Variants in JAKMIP1 observed in about 807,000 individuals in gnomAD.
JAKMIP1 encodes the protein janus kinase and microtubule-interacting protein 1.
A neutral mutation model predicts 113.0 loss-of-function variants in JAKMIP1; 33 were observed. The observed-to-expected ratio is 0.29, with a 90% CI of 0.22 to 0.39. The LOEUF (loss-of-function observed/expected upper bound fraction) is 0.39. JAKMIP1 is among the 10% of genes least tolerant of loss of function. The pLI is 1.00. For synonymous variants in JAKMIP1, 480 were observed against 459.9 expected, an observed-to-expected ratio of 1.04 and a Z score of -0.56; for missense variants, 813 against 1,080.5, an observed-to-expected ratio of 0.75 and a Z score of 3.47.
rs1167422065 is a variant in JAKMIP1 at position 6,143,433 on chromosome 4, G to A, written c.-147-30436C>T. 6.6e-6 allele frequency among the ~76,000 whole-genome samples: 1 copy of A among 152,144 alleles called. No individual in the cohort carries two copies. The highest frequency in any genetic ancestry group is 1.5e-5 in the Non-Finnish European group (1 of 68,036). On this transcript the variant is annotated intron_variant, in intron 1 of 20. Transcript: ENST00000409021. The surrounding 1 kb of genome is among the most constrained non-coding windows in gnomAD (Gnocchi z 4.9). ...GCCATGTCTGAACCCAGGCTGGTAA[G>A]AGTCAACGGGTCCCCTCTGGAGCCA... is the stretch of plus-strand genomic sequence containing the variant.
Position 6,137,631 on chromosome 4 carries a change from G to A in JAKMIP1, c.-147-24634C>T, listed in dbSNP as rs1192492237. 6.6e-6 allele frequency among the ~76,000 whole-genome samples: 1 copy of A among 152,222 alleles called. No individual in the cohort carries two copies. The highest frequency in any genetic ancestry group is 1.5e-5 in the Non-Finnish European group (1 of 68,040). ...GCACCTGGAGGCAATGACCCCCACAGGGGACCAAATGAGCTATCCTGAAAT... is the reference window on the plus strand; with the variant it reads ...GCACCTGGAGGCAATGACCCCCACAAGGGACCAAATGAGCTATCCTGAAAT... On this transcript the variant is annotated intron_variant, in intron 1 of 20. Coordinates refer to ENST00000409021, the MANE Select transcript of JAKMIP1 (RefSeq NM_001099433.2). This position sits in a 1 kb window ranked among gnomAD's most constrained non-coding sequence, Gnocchi z 4.5.
At chr4:6,091,431 T>G (rs568236292) in intron 3 of JAKMIP1, among the ~76,000 whole-genome samples, 2 of 152,364 alleles carry the variant, frequency 1.3e-5, no homozygotes, top group African/African-American at 4.8e-5. Flanking sequence ...ACAAGTATCC[T>G]ATTACAGAAA....
rs1201234026 is a variant in JAKMIP1 at position 6,067,763 on chromosome 4, C to A, written c.1303-2755G>T. ...TCTTCTGCACACGCAGGTCACCCCC[C>A]TGAGCTCCACGTTCACTCAAGCTCT... On this transcript the variant is annotated intron_variant, in intron 8 of 20. Coordinates refer to ENST00000409021, the MANE Select transcript of JAKMIP1 (RefSeq NM_001099433.2). The surrounding 1 kb of genome is among the most constrained non-coding windows in gnomAD (Gnocchi z 4.6). Among the ~76,000 whole-genome samples the A allele has an allele frequency of 7.2e-6, 1 of 139,564 alleles. No individual in the cohort carries two copies. The highest frequency in any genetic ancestry group is 7.1e-5 in the Admixed American group (1 of 14,184). The allele number at this position is 139,564 out of a possible 152,430, so 91.6% of individuals were successfully genotyped here.
rs1479224245 is a variant in JAKMIP1, at chr4:6,064,485, T to C, written c.1431+395A>G. ...GTCAAGAAAGCAATGATGCTGTTTC[T>C]GCCCGGTGGTGTGTCCGTGTGTGCA... is the stretch of plus-strand genomic sequence containing the variant. On this transcript the variant is annotated intron_variant, in intron 9 of 20. Coordinates refer to ENST00000409021, the MANE Select transcript of JAKMIP1 (RefSeq NM_001099433.2). The surrounding 1 kb of genome is among the most constrained non-coding windows in gnomAD (Gnocchi z 4.3). 1.3e-5 allele frequency among the ~76,000 whole-genome samples: 2 copies of C among 152,212 alleles called. No individual in the cohort carries two copies. Among genetic ancestry groups the C allele is most frequent in the Admixed American group, 1.3e-4 (2 of 15,280 alleles).
rs538410589 is a variant in JAKMIP1 at position 6,174,024 on chromosome 4, G to A, written c.-148+26229C>T. 5.9e-5 allele frequency among the ~76,000 whole-genome samples: 9 copies of A among 152,278 alleles called. No individual in the cohort carries two copies. The South Asian group carries it at 1.9e-3, about 32-fold the overall frequency. ...GTGGAGGTTGCAGTGAGCCAAGGTGGCAACACAGAGCAAGACTCCATCTGA... is the reference window on the plus strand; with the variant it reads ...GTGGAGGTTGCAGTGAGCCAAGGTGACAACACAGAGCAAGACTCCATCTGA... On this transcript the variant is annotated intron_variant, in intron 1 of 20. Transcript: ENST00000409021.
rs1229490853 is a variant in JAKMIP1, at chr4:6,158,614, AC to A, written c.-148+41638del. Among the ~76,000 whole-genome samples the A allele has an allele frequency of 6.6e-6, 1 of 150,974 alleles. No individual in the cohort carries two copies. The highest frequency in any genetic ancestry group is 1.5e-5 in the Non-Finnish European group (1 of 67,820). Reference sequence around the variant, plus strand: ...CTCCATCCCATAGGGCCATTTCTCCACCCCCCACCCCCACCAGCCCCAGCTA... The same window carrying A: ...CTCCATCCCATAGGGCCATTTCTCCACCCCCACCCCCACCAGCCCCAGCTA... On this transcript the variant is annotated intron_variant, in intron 1 of 20. Transcript: ENST00000409021. The surrounding 1 kb of genome is among the most constrained non-coding windows in gnomAD (Gnocchi z 5.3).
chr4:6,071,407 C>T (rs781219877), intron 8 of JAKMIP1, among the ~76,000 whole-genome samples: 1 of 152,190 alleles, frequency 6.6e-6, no homozygotes, highest in African/African-American at 2.4e-5. Context: ...AGCCCCTCCC[C>T]ACGGGGCCTG....
In JAKMIP1 at chr4:6,176,618, C is replaced by T. The variant is rs535204971; in HGVS notation, c.-148+23635G>A. Among the ~76,000 whole-genome samples, 2 of 152,228 alleles carry T rather than the reference C, an allele frequency of 1.3e-5. No individual in the cohort carries two copies. The highest frequency in any genetic ancestry group is 4.8e-5 in the African/African-American group (2 of 41,540). On this transcript the variant is annotated intron_variant, in intron 1 of 20. Coordinates refer to ENST00000409021, the MANE Select transcript of JAKMIP1 (RefSeq NM_001099433.2). This position sits in a 1 kb window ranked among gnomAD's most constrained non-coding sequence, Gnocchi z 5.5. ...GGGCTGGGAGATAACTCCATGTTTACAAATGGGGAAACTGAGGCTTGCAGT... is the reference window on the plus strand; with the variant it reads ...GGGCTGGGAGATAACTCCATGTTTATAAATGGGGAAACTGAGGCTTGCAGT...
intron 8 of JAKMIP1, among the ~76,000 whole-genome samples, chr4:6,077,985 A>G (rs1224747911): frequency 6.6e-6 from 1 of 152,176 alleles, no homozygotes; most frequent in Non-Finnish European, 1.5e-5. Context: ...CCAAGACCAC[A>G]TGTCTTTGGC....
chr4:6,188,921 G>A lies in JAKMIP1; in HGVS notation c.-148+11332C>T, dbSNP rs939149147. Among the ~76,000 whole-genome samples the A allele has an allele frequency of 1.3e-5, 2 of 152,188 alleles. No homozygotes were observed. The highest frequency in any genetic ancestry group is 2.4e-5 in the African/African-American group (1 of 41,430). On this transcript the variant is annotated intron_variant, in intron 1 of 20. Transcript: ENST00000409021. The surrounding 1 kb of genome is among the most constrained non-coding windows in gnomAD (Gnocchi z 5.8). ...ATTAGGCACAATGTGGGGGCATCCA[G>A]GCCCTTTTTCAAAATAAGATATCTG...
chr4:6,060,387 G>A (rs1331140665), intron 11 of JAKMIP1, 37 bp downstream of exon 11: 1 of 1,501,646 alleles, frequency 6.7e-7, no homozygotes, highest in Non-Finnish European at 9.3e-7. Flanking sequence ...GGGACAGAAA[G>A]GCTAAGATTC....
intron 8 of JAKMIP1, among the ~76,000 whole-genome samples, chr4:6,071,767 C>T (rs976084644): frequency 1.3e-5 from 2 of 152,144 alleles, no homozygotes; most frequent in Non-Finnish European, 2.9e-5. Context: ...TCTGCTGAGA[C>T]GCCTGCATGT....
chr4:6,109,242 C>T (rs1289571813), intron 2 of JAKMIP1, among the ~76,000 whole-genome samples: 1 of 150,516 alleles, frequency 6.6e-6, no homozygotes, highest in South Asian at 2.1e-4. Context: ...ACGCCATTCT[C>T]CTGCCTCAGC....
rs1719728115 is a variant in JAKMIP1, at chr4:6,076,598, G to A, written c.1302+2341C>T. Among the ~76,000 whole-genome samples, 2 of 152,136 alleles carry A rather than the reference G, an allele frequency of 1.3e-5. No homozygotes were observed. The highest frequency in any genetic ancestry group is 4.8e-5 in the African/African-American group (2 of 41,430). On this transcript the variant is annotated intron_variant, in intron 8 of 20. Transcript: ENST00000409021. This position sits in a 1 kb window ranked among gnomAD's most constrained non-coding sequence, Gnocchi z 4.8. ...AGTAAAGGCCACCAGGAGGCAGCCT[G>A]GGAGCCAAATTGCACCCATAGATAT...
rs781318008 is a variant in JAKMIP1 at position 6,155,994 on chromosome 4, G to A, written c.-147-42997C>T. ...AGGGTCAGCTCTGTGACTTCTGTCC[G>A]TGGTGGGTTCCTCAGTGCGTAGAAC... On this transcript the variant is annotated intron_variant, in intron 1 of 20. Coordinates refer to ENST00000409021, the MANE Select transcript of JAKMIP1 (RefSeq NM_001099433.2). The surrounding 1 kb of genome is among the most constrained non-coding windows in gnomAD (Gnocchi z 6.1). Among the ~76,000 whole-genome samples, 13 of 152,218 alleles carry A rather than the reference G, an allele frequency of 8.5e-5. No homozygotes were observed. Among genetic ancestry groups the A allele is most frequent in the South Asian group, 4.1e-4 (2 of 4,832 alleles).
rs1421451431 is a variant in JAKMIP1 at position 6,042,905 on chromosome 4, G to C, written c.2029-678C>G. ...ACGGAGAGTACGGGGTGAACAGGCG[G>C]GGCGTGCACCTGAGCGGCAGGTAAG... On this transcript the variant is annotated intron_variant, in intron 16 of 20. Coordinates refer to ENST00000409021, the MANE Select transcript of JAKMIP1 (RefSeq NM_001099433.2). The surrounding 1 kb of genome is among the most constrained non-coding windows in gnomAD (Gnocchi z 5.2). Among the ~76,000 whole-genome samples, 1 of 152,070 alleles carries C rather than the reference G, an allele frequency of 6.6e-6. No individual in the cohort carries two copies. The highest frequency in any genetic ancestry group is 1.5e-5 in the Non-Finnish European group (1 of 68,004).
intron 3 of JAKMIP1, among the ~76,000 whole-genome samples, chr4:6,104,673 C>T (rs1240013528): frequency 6.6e-6 from 1 of 152,262 alleles, no homozygotes; most frequent in African/African-American, 2.4e-5. Context: ...GTGTGACAAA[C>T]GCCCTGAGGG....
chr4:6,193,321 C>G lies in JAKMIP1; in HGVS notation c.-148+6932G>C, dbSNP rs1403921311. On this transcript the variant is annotated intron_variant, in intron 1 of 20. Transcript: ENST00000409021. The surrounding 1 kb of genome is among the most constrained non-coding windows in gnomAD (Gnocchi z 6.4). Reference sequence around the variant, plus strand: ...CGCCACTGGTTTCTTTGCTCCTCAACTTGCAGACAGCCCATCGTGAGACTT... The same window carrying G: ...CGCCACTGGTTTCTTTGCTCCTCAAGTTGCAGACAGCCCATCGTGAGACTT... Among the ~76,000 whole-genome samples the G allele has an allele frequency of 1.3e-5, 2 of 152,196 alleles. No homozygotes were observed. Among genetic ancestry groups the G allele is most frequent in the African/African-American group, 4.8e-5 (2 of 41,448 alleles).
rs575764986 is a variant in JAKMIP1, at chr4:6,146,413, C to T, written c.-147-33416G>A. ...GCTCATGTGATCCTCCCACCTCAGACCCCAAGTAGTAGTTGGGACTACAGG... is the reference window on the plus strand; with the variant it reads ...GCTCATGTGATCCTCCCACCTCAGATCCCAAGTAGTAGTTGGGACTACAGG... On this transcript the variant is annotated intron_variant, in intron 1 of 20. Transcript: ENST00000409021. Among the ~76,000 whole-genome samples the T allele has an allele frequency of 3.5e-4, 53 of 152,306 alleles. No individual in the cohort carries two copies. In the East Asian group the frequency reaches 4.1e-3, roughly 12 times the overall value.
Sources: gnomAD v4.1 joint callset for allele counts (sites outside exome capture counted in the v4.1 genomes callset) on GRCh38, gnomAD v4.1.1 for gene constraint, Gnocchi (gnomAD v3.1) non-coding constraint, MANE v1.5 for transcripts, NCBI Gene and HGNC (gene_info 2026-07-23, HGNC 2026-07-21) for gene names.